DENND1A: variants seen among roughly 807,000 people sequenced by gnomAD.
The protein encoded by DENND1A is DENN domain containing 1A.
In DENND1A, 51 loss-of-function variants were observed where a neutral mutation model predicts 113.7. That is an observed-to-expected ratio of 0.45 (90% CI 0.36 to 0.57). The LOEUF is 0.57. DENND1A is among the 20% of genes least tolerant of loss of function. The pLI is 0.00. For missense variants in DENND1A, 1,258 were observed against 1,395.9 expected, an observed-to-expected ratio of 0.90 and a Z score of 1.57; for synonymous variants, 565 against 570.8, an observed-to-expected ratio of 0.99 and a Z score of 0.14.
intron 19 of DENND1A, among the ~76,000 whole-genome samples, chr9:123,434,538 G>A (rs1226511153): frequency 6.6e-6 from 1 of 152,218 alleles, no homozygotes; most frequent in African/African-American, 2.4e-5. Flanking sequence ...ACCCCAGGAT[G>A]TGCACTGACT....
intron 2 of DENND1A, among the ~76,000 whole-genome samples, chr9:123,810,519 C>T (rs1462267918): frequency 1.6e-5 from 2 of 127,160 alleles, no homozygotes; most frequent in Non-Finnish European, 3.1e-5. Context: ...CGAGACCAGC[C>T]TGAGCAACAT....
At chr9:123,877,887 C>T (rs973344556) in intron 2 of DENND1A, among the ~76,000 whole-genome samples, 2 of 151,952 alleles carry the variant, frequency 1.3e-5, no homozygotes, top group South Asian at 2.1e-4. Context: ...AAGGTGTTGT[C>T]TATGGGGAGA....
intron 1 of DENND1A, among the ~76,000 whole-genome samples, chr9:123,902,036 G>C (rs747082699): frequency 6.6e-6 from 1 of 151,792 alleles, no homozygotes; most frequent in Non-Finnish European, 1.5e-5. Context: ...AAATAAAGGC[G>C]ATGTCATGTA....
At chr9:123,528,774 CA>C (rs1275554073) in intron 13 of DENND1A, among the ~76,000 whole-genome samples, 2 of 152,200 alleles carry the variant, frequency 1.3e-5, no homozygotes, top group Non-Finnish European at 2.9e-5. Flanking sequence ...GTAAGGCATT[CA>C]AACAATTCCA....
intron 2 of DENND1A, among the ~76,000 whole-genome samples, chr9:123,807,290 C>T (rs569423631): frequency 4.6e-5 from 7 of 152,130 alleles, no homozygotes; most frequent in Non-Finnish European, 7.4e-5. Flanking sequence ...TAAATATGTT[C>T]CTGGGAAATT....
At chr9:123,915,029 C>T (rs535499272) in intron 1 of DENND1A, among the ~76,000 whole-genome samples, 1 of 152,222 alleles carries the variant, frequency 6.6e-6, no homozygotes, top group African/African-American at 2.4e-5. Flanking sequence ...GCCAAGGCCC[C>T]CACAAAGGCT....
intron 13 of DENND1A, among the ~76,000 whole-genome samples, chr9:123,498,816 G>A (rs1359144515): frequency 6.6e-6 from 1 of 151,674 alleles, no homozygotes; most frequent in African/African-American, 2.4e-5. Context: ...TCCACTTCCT[G>A]GGTTAAAGTG....
intron 3 of DENND1A, among the ~76,000 whole-genome samples, chr9:123,789,299 T>C (rs1056563254): frequency 6.6e-6 from 1 of 152,116 alleles, no homozygotes; most frequent in Non-Finnish European, 1.5e-5. Flanking sequence ...GTAATTACAA[T>C]CAGGCTGCTC....
At chr9:123,593,782 T>C (rs1466526751) in intron 11 of DENND1A, among the ~76,000 whole-genome samples, 1 of 152,164 alleles carries the variant, frequency 6.6e-6, no homozygotes, top group Non-Finnish European at 1.5e-5. Flanking sequence ...TGATACAGTG[T>C]GGCTCTGTGT....
At chr9:123,545,565 C>T (rs961102160) in intron 13 of DENND1A, among the ~76,000 whole-genome samples, 1 of 151,954 alleles carries the variant, frequency 6.6e-6, no homozygotes, top group Admixed American at 6.6e-5. Flanking sequence ...CTCCCGGGTT[C>T]ACACCATTCT....
At chr9:123,852,551 A>C (rs1843538612) in intron 2 of DENND1A, among the ~76,000 whole-genome samples, 1 of 152,198 alleles carries the variant, frequency 6.6e-6, no homozygotes, top group African/African-American at 2.4e-5. Context: ...GACTTGTTTG[A>C]ATTTATGAAT....
At chr9:123,683,415 G>A (rs955089885) in intron 5 of DENND1A, among the ~76,000 whole-genome samples, 3 of 152,146 alleles carry the variant, frequency 2.0e-5, no homozygotes, top group Admixed American at 2.0e-4. Flanking sequence ...TGCTGTGAAA[G>A]TCAACTATGA....
At chr9:123,587,062 CA>C (rs2059206847) in intron 11 of DENND1A, among the ~76,000 whole-genome samples, 1 of 151,452 alleles carries the variant, frequency 6.6e-6, no homozygotes, top group Admixed American at 6.6e-5. Flanking sequence ...AAGCTGGGTC[CA>C]GGGGGGTCAC....
intron 5 of DENND1A, among the ~76,000 whole-genome samples, chr9:123,752,773 C>A (rs2070170781): frequency 6.6e-6 from 1 of 152,180 alleles, no homozygotes. Context: ...TTAAAGATTT[C>A]AGAGGTAAAT....
chr9:123,713,066 A>G (rs1389692805), intron 5 of DENND1A, among the ~76,000 whole-genome samples: 2 of 152,246 alleles, frequency 1.3e-5, no homozygotes, highest in Non-Finnish European at 2.9e-5. Context: ...CGCCTATACG[A>G]TGCCAACGAG....
At chr9:123,779,944 C>G (rs1831034042) in intron 3 of DENND1A, among the ~76,000 whole-genome samples, 1 of 150,472 alleles carries the variant, frequency 6.6e-6, no homozygotes, top group South Asian at 2.1e-4. Context: ...CTCACTGCAA[C>G]CCAGGGTTCA....
At chr9:123,595,916 A>G (rs2059667377) in intron 11 of DENND1A, among the ~76,000 whole-genome samples, 1 of 152,164 alleles carries the variant, frequency 6.6e-6, no homozygotes, top group South Asian at 2.1e-4. Flanking sequence ...TCTGCCATCC[A>G]GAACGGAGTG....
intron 19 of DENND1A, among the ~76,000 whole-genome samples, chr9:123,416,384 G>A (rs367919446): frequency 7.9e-5 from 12 of 152,196 alleles, no homozygotes; most frequent in Non-Finnish European, 1.5e-4. Flanking sequence ...GGTTGTCATC[G>A]GGAAGGCCTC....
In DENND1A at chr9:123,920,960, C is replaced by T. The variant is rs576642791; in HGVS notation, c.17+8929G>A. The stretch of plus-strand genomic sequence containing the variant: ...TAGTAGACTATAGGCTTCCTTTCTT[C>T]CCAACCAGCAAGAGCAATAGTGCTT... On this transcript the variant is annotated intron_variant, in intron 1 of 23. Transcript: ENST00000394215. 5.3e-5 allele frequency among the ~76,000 whole-genome samples: 8 copies of T among 152,250 alleles called. No homozygotes were observed. The South Asian group carries it at 1.7e-3, about 32-fold the overall frequency.
Sources: allele counts gnomAD v4.1 joint callset (sites outside exome capture counted in the v4.1 genomes callset), GRCh38; gene constraint gnomAD v4.1.1; transcripts MANE v1.5; gene names NCBI Gene and HGNC (gene_info 2026-07-23, HGNC 2026-07-21).